Variants in EPHA5 observed in about 807,000 individuals in gnomAD.
EPHA5 encodes the protein ephrin type-A receptor 5.
In EPHA5, 60 loss-of-function variants were observed where a neutral mutation model predicts 105.0. That is an observed-to-expected ratio of 0.57 (90% CI 0.46 to 0.71). EPHA5 has a LOEUF of 0.71. Ranked by LOEUF, EPHA5 falls within the 30% of genes least tolerant of loss-of-function variation. The pLI, the probability that EPHA5 is intolerant of heterozygous loss-of-function variation, is 0.00. For synonymous variants in EPHA5, 513 were observed against 449.1 expected (o/e 1.14, Z -1.80); for missense variants, 1,218 against 1,274.7 (o/e 0.96, Z 0.68).
At chr4:65,349,280 A>T (rs1298559361) in intron 13 of EPHA5, among the ~76,000 whole-genome samples, 1 of 152,014 alleles carries the variant, frequency 6.6e-6, no homozygotes, top group African/African-American at 2.4e-5. Flanking sequence ...AAAATTATTG[A>T]AATTGGATTG....
chr4:65,618,174 C>G (rs932890206), intron 2 of EPHA5, among the ~76,000 whole-genome samples: 4 of 151,954 alleles, frequency 2.6e-5, no homozygotes, highest in Non-Finnish European at 5.9e-5. Context: ...AACAAGAGCC[C>G]CAATGACCTC....
In EPHA5 at chr4:65,552,258, C is replaced by G. The variant is rs548180977; in HGVS notation, c.910+49383G>C. Among the ~76,000 whole-genome samples the G allele has an allele frequency of 3.3e-5, 5 of 152,278 alleles. No homozygotes were observed. In the South Asian group the frequency reaches 1.0e-3, roughly 32 times the overall value. ...AACCAACTGCCATGGATTCCTGGAG[C>G]TTGACCACATTACAATTTTCACACT... On this transcript the variant is annotated intron_variant, in intron 3 of 16. Coordinates refer to ENST00000613740, the MANE Select transcript of EPHA5 (RefSeq NM_001281766.3).
At chr4:65,394,597 T>C (rs1213154300) in intron 8 of EPHA5, among the ~76,000 whole-genome samples, 1 of 152,140 alleles carries the variant, frequency 6.6e-6, no homozygotes, top group Non-Finnish European at 1.5e-5. Flanking sequence ...AGCAAAGATT[T>C]GAAAGAAGAA....
intron 3 of EPHA5, among the ~76,000 whole-genome samples, chr4:65,535,575 C>T (rs1033929619): frequency 1.3e-5 from 2 of 152,056 alleles, no homozygotes; most frequent in African/African-American, 4.8e-5. Context: ...CAATTTATTA[C>T]ACTTAGTTAT....
chr4:65,346,670 A>G (rs1244845093), intron 14 of EPHA5, among the ~76,000 whole-genome samples: 1 of 152,174 alleles, frequency 6.6e-6, no homozygotes, highest in Non-Finnish European at 1.5e-5. Flanking sequence ...AGCAAAAGAG[A>G]CTACCATCAG....
chr4:65,338,151 A>G (rs1721361641), intron 14 of EPHA5, among the ~76,000 whole-genome samples: 1 of 152,142 alleles, frequency 6.6e-6, no homozygotes, highest in Admixed American at 6.6e-5. Flanking sequence ...CAAGCCTTGA[A>G]AAAATATTTA....
At chr4:65,649,794 C>A (rs1420382909) in intron 1 of EPHA5, among the ~76,000 whole-genome samples, 1 of 152,160 alleles carries the variant, frequency 6.6e-6, no homozygotes, top group Non-Finnish European at 1.5e-5. Flanking sequence ...CTTTTGGCAG[C>A]ATTTGGTCAT....
At chr4:65,351,031 C>CTA (rs34164927) in intron 13 of EPHA5, among the ~76,000 whole-genome samples, 5,559 of 150,010 alleles carry the variant, frequency 0.037, 296 homozygotes, top group African/African-American at 0.12. Context: ...CACATACATA[C>CTA]TATATATATA....
chr4:65,450,853 G>A (rs73822156), intron 5 of EPHA5, among the ~76,000 whole-genome samples: 3,861 of 152,198 alleles, frequency 0.025, 165 homozygotes, highest in African/African-American at 0.088. Context: ...TAATTCATCA[G>A]TACAAATCCT....
intron 5 of EPHA5, among the ~76,000 whole-genome samples, chr4:65,461,476 A>G (rs932166469): frequency 1.3e-5 from 2 of 152,082 alleles, no homozygotes; most frequent in African/African-American, 4.8e-5. Flanking sequence ...ATACAAATTT[A>G]CTACCATGTA....
At chr4:65,633,942 C>A (rs1259259619) in intron 2 of EPHA5, among the ~76,000 whole-genome samples, 1 of 152,018 alleles carries the variant, frequency 6.6e-6, no homozygotes, top group Non-Finnish European at 1.5e-5. Flanking sequence ...GATAACACAC[C>A]TGTACACGTT....
chr4:65,558,711 G>A (rs1481968660), intron 3 of EPHA5, among the ~76,000 whole-genome samples: 1 of 151,758 alleles, frequency 6.6e-6, no homozygotes, highest in Admixed American at 6.6e-5. Context: ...CCCACAACAG[G>A]CCCTGGTGTG....
At chr4:65,435,749 C>T (rs561691548) in intron 5 of EPHA5, among the ~76,000 whole-genome samples, 247 of 151,786 alleles carry the variant, frequency 1.6e-3, no homozygotes, top group Non-Finnish European at 2.4e-3. Context: ...AAAATTAGAG[C>T]GTTAATGGAA....
intron 3 of EPHA5, among the ~76,000 whole-genome samples, chr4:65,527,311 C>T (rs537786398): frequency 1.3e-5 from 2 of 152,078 alleles, no homozygotes; most frequent in East Asian, 1.9e-4. Context: ...AAGTGACAAA[C>T]GATGAAAAAT....
chr4:65,410,155 C>T (rs990399164), intron 7 of EPHA5, among the ~76,000 whole-genome samples: 7 of 152,210 alleles, frequency 4.6e-5, no homozygotes, highest in Admixed American at 2.6e-4. Context: ...CTGTAATCAG[C>T]CCTGACATCC....
chr4:65,494,426 A>G (rs1023951525), intron 4 of EPHA5, among the ~76,000 whole-genome samples: 23 of 152,306 alleles, frequency 1.5e-4, no homozygotes, highest in Admixed American at 7.8e-4. Context: ...CAGGCAGTTC[A>G]TGGAAATTAA....
At chr4:65,532,818 A>G (rs1433964835) in intron 3 of EPHA5, among the ~76,000 whole-genome samples, 2 of 152,004 alleles carry the variant, frequency 1.3e-5, no homozygotes, top group Non-Finnish European at 2.9e-5. Context: ...TTCCAGCTAT[A>G]GGCATAGTTT....
At chr4:65,612,008 C>G (rs1402745539) in intron 2 of EPHA5, among the ~76,000 whole-genome samples, 1 of 97,706 alleles carries the variant, frequency 1.0e-5, no homozygotes, top group South Asian at 3.8e-4. Flanking sequence ...TAGAGCGAGA[C>G]CCTCTCTCAA....
intron 3 of EPHA5, among the ~76,000 whole-genome samples, chr4:65,588,454 T>C (rs13144381): frequency 0.37 from 55,728 of 151,940 alleles, 10,579 homozygotes; most frequent in African/African-American, 0.47. Context: ...AAAATAACTA[T>C]GATCTCCTGA....
Sources: gnomAD v4.1 joint callset for allele counts (sites outside exome capture counted in the v4.1 genomes callset) on GRCh38, gnomAD v4.1.1 for gene constraint, MANE v1.5 for transcripts, NCBI Gene and HGNC (gene_info 2026-07-23, HGNC 2026-07-21) for gene names.